The following GCAT variants were observed in gnomAD, a reference collection of about 807,000 sequenced individuals.
The protein encoded by GCAT is 2-amino-3-ketobutyrate coenzyme A ligase, mitochondrial.
A neutral mutation model predicts 39.7 loss-of-function variants in GCAT; 26 were observed. The ratio of observed to expected loss-of-function variants is 0.65; its 90% confidence interval spans 0.48 to 0.91. The LOEUF is 0.91. GCAT is among the 40% of genes least tolerant of loss of function. The pLI is 0.00. For synonymous variants in GCAT, 218 were observed against 237.2 expected (o/e 0.92, Z 0.74); for missense variants, 550 against 576.2 (o/e 0.95, Z 0.47).
At position 37,815,438 on chromosome 22, in the gene GCAT, G is replaced by C; in HGVS notation, c.752G>C (p.Gly251Ala). 6.2e-7 allele frequency: 1 copy of C among 1,610,718 alleles called. No individual in the cohort carries two copies. Among genetic ancestry groups the C allele is most frequent in the Non-Finnish European group, 8.5e-7 (1 of 1,178,910 alleles). The change falls in exon 6 of 9, where the codon GGT (glycine) becomes GCT (alanine). Residue 251 changes from glycine to alanine, a missense_variant. Physicochemically the swap from Gly to Ala is moderately conservative, Grantham distance 60. Around this residue, in one of 3 missense-constraint regions of GCAT, gnomAD observed 378 missense variants for 390.4 expected, o/e 0.97. Transcript: ENST00000248924. ...PTGRGTDELL[G>A]VMDQVTIINS... ...TGCAGGGGCACAGATGAGCTGCTGG[G>C]TGTGATGGACCAGGTCACCATCATC...
At chr22:37,812,210 A>G (rs1921677557) in intron 2 of GCAT, among the ~76,000 whole-genome samples, 1 of 151,866 alleles carries the variant, frequency 6.6e-6, no homozygotes, top group Non-Finnish European at 1.5e-5. Flanking sequence ...GGTGGTGCGC[A>G]CCTGTAGTCC....
chr22:37,815,743 C>T lies in GCAT; in HGVS notation c.895C>T (p.Pro299Ser), dbSNP rs1340607039. The T allele has an allele frequency of 6.2e-7, 1 of 1,613,624 alleles. No individual in the cohort carries two copies. The highest frequency in any genetic ancestry group is 1.1e-5 in the South Asian group (1 of 91,070). The change falls in exon 7 of 9, where the codon CCA (proline) becomes TCA (serine). Residue 299 changes from proline to serine, a missense_variant. Transcript: ENST00000248924. ...ARPYLFSNSL[P>S]PAVVGCASKA... ...GCCATACCTCTTCTCCAACAGTCTG[C>T]CACCTGCTGTCGTTGGCTGCGCCTC...
downstream of GCAT, chr22:37,816,943 C>T: frequency 1.9e-6 from 1 of 519,926 alleles, no homozygotes; most frequent in Non-Finnish European, 3.5e-6. Flanking sequence ...AGTCCTGTGG[C>T]CGGTTGAAGA....
At position 37,815,131 on chromosome 22, in the gene GCAT, T is replaced by A; in HGVS notation, c.582T>A (p.His194Gln). The A allele has an allele frequency of 6.2e-7, 1 of 1,613,872 alleles. No individual in the cohort carries two copies. The highest frequency in any genetic ancestry group is 8.5e-7 in the Non-Finnish European group (1 of 1,179,982). The part of the protein sequence containing the change: ...LEAKLQEAQK[H>Q]RLRLVATDGA... ...TGCTCATGTCTTTCCTGCAGAAGCA[T>A]CGGCTGCGCCTGGTGGCCACTGATG... Residue 194 changes from histidine to glutamine, a missense_variant, in exon 5 of 9, where the codon CAT becomes CAA. His to Gln is a conservative substitution (Grantham distance 24, BLOSUM62 0). Coordinates refer to ENST00000248924, the MANE Select transcript of GCAT (RefSeq NM_014291.4).
At chr22:37,810,566 G>C (rs1921469744) in intron 2 of GCAT, among the ~76,000 whole-genome samples, 1 of 147,776 alleles carries the variant, frequency 6.8e-6, no homozygotes, top group Non-Finnish European at 1.5e-5. Flanking sequence ...GCTGAGGCTG[G>C]AGTGCGGTGG....
intron 4 of GCAT, among the ~76,000 whole-genome samples, chr22:37,814,197 C>T (rs1921912019): frequency 6.6e-6 from 1 of 152,172 alleles, no homozygotes; most frequent in African/African-American, 2.4e-5. Context: ...ATCTTCTGGA[C>T]TCGAGCGATC....
intron 2 of GCAT, among the ~76,000 whole-genome samples, chr22:37,811,575 A>T (rs1226287825): frequency 6.6e-6 from 1 of 152,000 alleles, no homozygotes; most frequent in Non-Finnish European, 1.5e-5. Context: ...ATGTTACAAA[A>T]TAAATTTATA....
In GCAT at chr22:37,810,056, C is replaced by G. The variant is rs369151158; in HGVS notation, c.226C>G (p.Leu76Val). The G allele has an allele frequency of 1.9e-6, 3 of 1,613,988 alleles. No homozygotes were observed. The highest frequency in any genetic ancestry group is 2.2e-5 in the East Asian group (1 of 44,898). The change falls in exon 2 of 9, where the codon CTG (leucine) becomes GTG (valine). Residue 76 changes from leucine to valine, a missense_variant. Transcript: ENST00000248924. ...GILNFCANNY[L>V]GLSSHPEVIQ... The stretch of plus-strand genomic sequence containing the variant: ...CCTTAACTTCTGTGCCAACAACTAC[C>G]TGGGCCTGAGCAGCCACCCTGAGGT...
intron 4 of GCAT, among the ~76,000 whole-genome samples, chr22:37,813,869 G>C (rs1484316081): frequency 1.3e-5 from 2 of 151,812 alleles, no homozygotes; most frequent in Non-Finnish European, 2.9e-5. Context: ...GGGTTCAAGT[G>C]ATTCTCCTGC....
chr22:37,812,106 G>T (rs142787476), intron 2 of GCAT, among the ~76,000 whole-genome samples: 1 of 151,736 alleles, frequency 6.6e-6, no homozygotes, highest in African/African-American at 2.4e-5. Context: ...CAAAGCAGAA[G>T]GATCACTTGA....
At position 37,816,308 on chromosome 22, in the gene GCAT, C is replaced by T. The variant is rs141694468; in HGVS notation, c.1095C>T (p.Asp365=). Reference sequence around the variant, plus strand: ...GGCTGGCCTCTCGCATGGCGGATGACATGCTGAAGAGAGGTAAGGGTGCTG... The same window carrying T: ...GGCTGGCCTCTCGCATGGCGGATGATATGCTGAAGAGAGGTAAGGGTGCTG... ...DARLASRMAD[D]MLKRGIFVIG... The change falls in exon 8 of 9, where the codon GAC becomes GAT. Residue 365 remains aspartate, a synonymous_variant. Transcript: ENST00000248924. 1.7e-5 allele frequency: 28 copies of T among 1,611,478 alleles called. No individual in the cohort carries two copies. The East Asian group carries it at 6.2e-4, about 36-fold the overall frequency.
intron 6 of GCAT, 49 bp from the exon 7 acceptor site, chr22:37,815,614 G>T (rs375885603): frequency 2.0e-4 from 306 of 1,511,648 alleles, no homozygotes; most frequent in Non-Finnish European, 2.5e-4. Context: ...GGTTGGGTAG[G>T]CTCTGGCCCC....
At position 37,816,703 on chromosome 22, in the gene GCAT, CG is replaced by C; in HGVS notation, c.1249del (p.Ala417HisfsTer33). The C allele has an allele frequency of 1.2e-6, 2 of 1,613,954 alleles. No homozygotes were observed. The highest frequency in any genetic ancestry group is 8.5e-7 in the Non-Finnish European group (1 of 1,180,004). On this transcript the variant is annotated frameshift_variant, in exon 9 of 9. Transcript: ENST00000248924. LOFTEE classifies it high-confidence loss of function. Reference sequence around the variant, plus strand: ...CCTTCGTGGAAGTGGGGCGACTGCACGGGGCACTGCCCTGAGCTCTGGGTAA... The same window carrying C: ...CCTTCGTGGAAGTGGGGCGACTGCACGGGCACTGCCCTGAGCTCTGGGTAA... The part of the protein sequence containing the change: ...EAFVEVGRLH[G>X]ALP
intron 3 of GCAT, 85 bp from the exon 4 acceptor site, chr22:37,813,378 C>A: frequency 7.1e-7 from 1 of 1,413,692 alleles, no homozygotes; most frequent in Non-Finnish European, 9.8e-7. Flanking sequence ...GCTGGCAGTA[C>A]AGTTTTTTGA....
At chr22:37,815,548 C>A in intron 6 of GCAT, 48 bp downstream of exon 6, 1 of 1,537,986 alleles carries the variant, frequency 6.5e-7, no homozygotes, top group Non-Finnish European at 8.9e-7. Flanking sequence ...TTTTGAAGGG[C>A]CCTGGAGGGG....
intron 1 of GCAT, among the ~76,000 whole-genome samples, chr22:37,808,481 G>A (rs1487927298): frequency 6.6e-6 from 1 of 152,210 alleles, no homozygotes; most frequent in Admixed American, 6.5e-5. Context: ...CAAACGAAGA[G>A]GCTGAAATCC....
Position 37,808,095 on chromosome 22 carries a change from C to G in GCAT, c.128C>G (p.Thr43Ser). 6.4e-7 allele frequency: 1 copy of G among 1,574,146 alleles called. No individual in the cohort carries two copies. The highest frequency in any genetic ancestry group is 8.6e-7 in the Non-Finnish European group (1 of 1,162,064). ...GELEGIRGAG[T>S]WKSERVITSR... ...CTGGAAGGCATCCGCGGAGCTGGCA[C>G]TTGGAAGAGTGAGCGGGTCATCACG... The change falls in exon 1 of 9, where the codon ACT becomes AGT. Residue 43 changes from threonine (T) to serine (S), a missense_variant. Physicochemically the swap from Thr to Ser is moderately conservative, Grantham distance 58 (BLOSUM62 1). Transcript: ENST00000248924.
intron 1 of GCAT, among the ~76,000 whole-genome samples, chr22:37,809,426 G>T (rs145378421): frequency 2.0e-5 from 3 of 152,170 alleles, no homozygotes; most frequent in Non-Finnish European, 4.4e-5. Context: ...TAACCCTCAA[G>T]GAAACCAAGG....
At position 37,813,557 on chromosome 22, in the gene GCAT, G is replaced by T. The variant is rs758537417; in HGVS notation, c.524G>T (p.Arg175Leu). 1.1e-5 allele frequency: 18 copies of T among 1,613,452 alleles called. No individual in the cohort carries two copies. The highest frequency in any genetic ancestry group is 1.7e-4 in the Middle Eastern group (1 of 6,060). Residue 175 changes from arginine to leucine, a missense_variant, in exon 4 of 9, where the codon CGC (arginine) becomes CTC (leucine). Around this residue, in one of 3 missense-constraint regions of GCAT, gnomAD observed 378 missense variants for 390.4 expected, o/e 0.97. Transcript: ENST00000248924. The stretch of plus-strand genomic sequence containing the variant: ...CGGCTGTGCAAGGCCCACAAGTACC[G>T]CTATCGCCACCTGGACATGGCCGAC... Reference protein sequence around the residue: ...GIRLCKAHKYRYRHLDMADLE... With the variant: ...GIRLCKAHKYLYRHLDMADLE...
Sources: gnomAD v4.1 joint callset for allele counts (sites outside exome capture counted in the v4.1 genomes callset) on GRCh38, gnomAD v4.1.1 for gene constraint, gnomAD v4.1.1 regional missense constraint, MANE v1.5 for transcripts, NCBI Gene and HGNC (gene_info 2026-07-23, HGNC 2026-07-21) for gene names.